The following FAT3 variants were observed in gnomAD, a reference collection of about 807,000 sequenced individuals.
FAT3 encodes protocadherin Fat 3.
In FAT3, 95 loss-of-function variants were observed where a neutral mutation model predicts 310.2. The observed-to-expected ratio is 0.31, with a 90% CI of 0.26 to 0.36. FAT3 has a LOEUF of 0.36. Among genes scored for constraint, FAT3 ranks in the 10% least tolerant of loss-of-function variants. FAT3 has a pLI of 1.00. For synonymous variants in FAT3, 2,314 were observed against 2,192.9 expected (o/e 1.06, Z -1.54); for missense variants, 5,408 against 5,715.6 (o/e 0.95, Z 1.74).
At chr11:92,435,274 C>T (rs1418177762) in intron 2 of FAT3, among the ~76,000 whole-genome samples, 4 of 152,172 alleles carry the variant, frequency 2.6e-5, no homozygotes, top group Admixed American at 1.3e-4. Flanking sequence ...GAGTCATTCT[C>T]AGGGTATGCT....
Position 92,889,224 on chromosome 11 carries a change from G to A in FAT3, c.13087G>A (p.Val4363Ile). 1 of 714,074 alleles carries A rather than the reference G, an allele frequency of 1.4e-6. No individual in the cohort carries two copies. Among genetic ancestry groups the A allele is most frequent in the South Asian group, 1.5e-5 (1 of 66,922 alleles). The allele number at this position is 714,074 out of a possible 1,614,324, so 44.2% of individuals were successfully genotyped here. The change falls in exon 26 of 28, where the codon GTA (valine) becomes ATA (isoleucine). Residue 4363 changes from valine to isoleucine, a missense_variant. Physicochemically the swap from Val to Ile is conservative, Grantham distance 29. Coordinates refer to ENST00000525166, the MANE Select transcript of FAT3 (RefSeq NM_001367949.2). ...IVTVIQLVNN[V>I]VDTIENEVSV... is the part of the protein sequence containing the mutation. ...GACTGTCATTCAGCTTGTCAACAAT[G>A]TAGTTGACACTATAGAGAATGAAGG... is the stretch of plus-strand genomic sequence containing the variant.
intron 13 of FAT3, among the ~76,000 whole-genome samples, chr11:92,828,946 G>C (rs1948167916): frequency 1.3e-5 from 2 of 152,188 alleles, no homozygotes; most frequent in Admixed American, 1.3e-4. Context: ...TCCATTAAAA[G>C]CACCTTCCCT....
chr11:92,751,707 A>T (rs1311650151), intron 4 of FAT3, among the ~76,000 whole-genome samples: 1 of 152,156 alleles, frequency 6.6e-6, no homozygotes. Context: ...CTAGAAGCAC[A>T]TCGAAGTGCT....
intron 3 of FAT3, among the ~76,000 whole-genome samples, chr11:92,560,489 G>A (rs538525533): frequency 3.4e-4 from 43 of 125,200 alleles, no homozygotes; most frequent in Admixed American, 2.6e-3. Flanking sequence ...TTGCTTTTGC[G>A]TCTAACAGCC....
chr11:92,719,090 A>G (rs1217607417), intron 4 of FAT3, among the ~76,000 whole-genome samples: 2 of 152,178 alleles, frequency 1.3e-5, no homozygotes, highest in Non-Finnish European at 2.9e-5. Flanking sequence ...TATTGAAGCT[A>G]TAGTACACAG....
chr11:92,248,921 G>C (rs892386111), intron 1 of FAT3, among the ~76,000 whole-genome samples: 1 of 152,012 alleles, frequency 6.6e-6, no homozygotes, highest in African/African-American at 2.4e-5. Flanking sequence ...GAATGAATCT[G>C]GTTTAATCTT....
chr11:92,656,373 C>T (rs747221577), intron 3 of FAT3, among the ~76,000 whole-genome samples: 20 of 152,146 alleles, frequency 1.3e-4, no homozygotes, highest in Non-Finnish European at 2.8e-4. Flanking sequence ...GAATCCTTGC[C>T]CTGGGCAAGG....
intron 3 of FAT3, among the ~76,000 whole-genome samples, chr11:92,680,199 G>T (rs745698164): frequency 7.3e-5 from 11 of 151,430 alleles, no homozygotes; most frequent in Non-Finnish European, 1.6e-4. Context: ...ATACCCAGAA[G>T]AGTTTTCTTT....
intron 2 of FAT3, among the ~76,000 whole-genome samples, chr11:92,398,282 C>T (rs1327570755): frequency 6.6e-6 from 1 of 151,986 alleles, no homozygotes; most frequent in Non-Finnish European, 1.5e-5. Flanking sequence ...GGGTGGATCA[C>T]CTGAGGTCAG....
intron 3 of FAT3, among the ~76,000 whole-genome samples, chr11:92,554,286 C>A (rs1954928379): frequency 1.3e-5 from 2 of 151,432 alleles, no homozygotes; most frequent in African/African-American, 4.9e-5. Context: ...CACGGTGAAA[C>A]CCTGTCTCTA....
At chr11:92,599,526 A>ATG in intron 3 of FAT3, among the ~76,000 whole-genome samples, 1 of 152,164 alleles carries the variant, frequency 6.6e-6, no homozygotes, top group Non-Finnish European at 1.5e-5. Flanking sequence ...GCCAAGCCAT[A>ATG]TCAGAAATTG....
chr11:92,677,682 G>C lies in FAT3; in HGVS notation c.3608-19702G>C, dbSNP rs7102032. 4.3e-3 allele frequency among the ~76,000 whole-genome samples: 661 copies of C among 152,308 alleles called. 4 individuals are homozygous for C. Among genetic ancestry groups the C allele is most frequent in the African/African-American group, 0.015 (622 of 41,566 alleles). On this transcript the variant is annotated intron_variant, in intron 3 of 27. Transcript: ENST00000525166. ...CCCATGGAAGAAAGCAGAAGGGTAAGAGAGCAAGAACTCACAGCCTCAAGA... is the reference window on the plus strand; with the variant it reads ...CCCATGGAAGAAAGCAGAAGGGTAACAGAGCAAGAACTCACAGCCTCAAGA...
intron 13 of FAT3, among the ~76,000 whole-genome samples, chr11:92,825,749 A>G (rs1034091380): frequency 3.9e-5 from 6 of 152,096 alleles, no homozygotes; most frequent in South Asian, 2.1e-4. Flanking sequence ...GCAAGCCTGG[A>G]TCCAGAATTT....
chr11:92,536,434 G>C (rs1954261601), intron 3 of FAT3, among the ~76,000 whole-genome samples: 1 of 152,148 alleles, frequency 6.6e-6, no homozygotes, highest in Admixed American at 6.5e-5. Flanking sequence ...TCTTGGCCAT[G>C]TGATGTTGGG....
intron 21 of FAT3, among the ~76,000 whole-genome samples, chr11:92,864,730 T>C (rs1949196558): frequency 6.6e-6 from 1 of 151,920 alleles, no homozygotes; most frequent in African/African-American, 2.4e-5. Context: ...GGCAGGAGAA[T>C]CCCTTGAACC....
At chr11:92,412,760 T>TATATATATATATATACAC (rs1950323868) in intron 2 of FAT3, among the ~76,000 whole-genome samples, 1 of 130,780 alleles carries the variant, frequency 7.6e-6, no homozygotes, top group African/African-American at 2.9e-5. Flanking sequence ...TACATACATA[T>TATATATATATATATACAC]ATATATATTT....
intron 1 of FAT3, chr11:92,336,052 A>G (rs1213740402): frequency 2.0e-6 from 1 of 502,754 alleles, no homozygotes; most frequent in Non-Finnish European, 3.9e-6. Context: ...TCCTCTGGCA[A>G]CTGGATCGTG....
intron 2 of FAT3, among the ~76,000 whole-genome samples, chr11:92,433,223 G>A (rs1328102617): frequency 1.3e-5 from 2 of 152,172 alleles, no homozygotes; most frequent in Admixed American, 1.3e-4. Context: ...GGCTTCAGCT[G>A]CCTTTCCAGG....
intron 1 of FAT3, among the ~76,000 whole-genome samples, chr11:92,238,881 T>C (rs1864548557): frequency 6.6e-6 from 1 of 152,126 alleles, no homozygotes; most frequent in Admixed American, 6.5e-5. Context: ...ATTGAATTGA[T>C]AGTAGACTAT....
Sources: allele counts gnomAD v4.1 joint callset (sites outside exome capture counted in the v4.1 genomes callset), GRCh38; gene constraint gnomAD v4.1.1; transcripts MANE v1.5; gene names NCBI Gene and HGNC (gene_info 2026-07-23, HGNC 2026-07-21).